Variants in SLC9A9 observed in about 807,000 individuals in gnomAD.
SLC9A9 encodes the protein solute carrier family 9 member A9.
SLC9A9 carries 62 observed loss-of-function variants against 77.8 expected under a neutral mutation model. That is an observed-to-expected ratio of 0.80 (90% CI 0.65 to 0.98). SLC9A9 has a LOEUF of 0.98. Ranked by LOEUF, SLC9A9 falls within the 50% of genes least tolerant of loss-of-function variation. SLC9A9 has a pLI of 0.00. For missense variants in SLC9A9, 775 were observed against 774.9 expected (o/e 1.00, Z 0.00); for synonymous variants, 320 against 283.5 (o/e 1.13, Z -1.29).
intron 14 of SLC9A9, among the ~76,000 whole-genome samples, chr3:143,278,269 G>A (rs1035672599): frequency 1.3e-5 from 2 of 152,164 alleles, no homozygotes; most frequent in African/African-American, 2.4e-5. Context: ...GGAGGAAGAC[G>A]GCAAACACAA....
intron 7 of SLC9A9, among the ~76,000 whole-genome samples, chr3:143,575,644 C>CT (rs1559975266): frequency 6.6e-6 from 1 of 152,120 alleles, no homozygotes; most frequent in Non-Finnish European, 1.5e-5. Flanking sequence ...AGAGGGAAGT[C>CT]TTTGTTTCTA....
At chr3:143,610,289 C>A (rs1009335429) in intron 6 of SLC9A9, among the ~76,000 whole-genome samples, 1 of 152,104 alleles carries the variant, frequency 6.6e-6, no homozygotes, top group African/African-American at 2.4e-5. Context: ...GCTGGGACTA[C>A]AAGCATGCCA....
At chr3:143,557,125 T>C (rs920442366) in intron 8 of SLC9A9, among the ~76,000 whole-genome samples, 1 of 152,138 alleles carries the variant, frequency 6.6e-6, no homozygotes, top group African/African-American at 2.4e-5. Context: ...CCCCATGCTG[T>C]TCTCATGATA....
At position 143,482,640 on chromosome 3, in the gene SLC9A9, G is replaced by T. The variant is rs1297091333; in HGVS notation, c.1315+11013C>A. Among the ~76,000 whole-genome samples the T allele has an allele frequency of 2.0e-5, 3 of 152,192 alleles. No individual in the cohort carries two copies. In the East Asian group the frequency reaches 5.8e-4, roughly 29 times the overall value. On this transcript the variant is annotated intron_variant, in intron 11 of 15. Coordinates refer to ENST00000316549, the MANE Select transcript of SLC9A9 (RefSeq NM_173653.4). ...AAGTCACAGTGGTTTCAGGAAGGCT[G>T]CCAGGGCTAAGTTGGGCTTGGCATT...
chr3:143,836,877 C>A (rs1054136934), intron 1 of SLC9A9, among the ~76,000 whole-genome samples: 4 of 152,048 alleles, frequency 2.6e-5, no homozygotes, highest in Admixed American at 2.6e-4. Flanking sequence ...CTTAACCTAC[C>A]AGCCCCTTCC....
chr3:143,347,944 T>G (rs575156288), intron 14 of SLC9A9, among the ~76,000 whole-genome samples: 1 of 152,226 alleles, frequency 6.6e-6, no homozygotes, highest in African/African-American at 2.4e-5. Context: ...TGAGGTAAGA[T>G]TGCTTCCTTG....
At chr3:143,343,245 G>A (rs2032161306) in intron 14 of SLC9A9, 1 of 152,066 alleles carries the variant, frequency 6.6e-6, no homozygotes, top group African/African-American at 2.4e-5. Flanking sequence ...CCTCTTTATT[G>A]TTAAGGAGAC....
intron 6 of SLC9A9, among the ~76,000 whole-genome samples, chr3:143,630,437 A>G (rs1192273332): frequency 6.6e-6 from 1 of 152,226 alleles, no homozygotes; most frequent in East Asian, 1.9e-4. Flanking sequence ...TGCTCTGAAC[A>G]TGCCAGTTTA....
chr3:143,750,159 G>A (rs1157708220), intron 4 of SLC9A9, among the ~76,000 whole-genome samples: 1 of 152,164 alleles, frequency 6.6e-6, no homozygotes, highest in African/African-American at 2.4e-5. Context: ...GCAGTTAAAA[G>A]TGGCCCTAAA....
At chr3:143,825,470 A>G (rs1177403281) in intron 2 of SLC9A9, among the ~76,000 whole-genome samples, 1 of 152,202 alleles carries the variant, frequency 6.6e-6, no homozygotes, top group Non-Finnish European at 1.5e-5. Flanking sequence ...TAATTATTTA[A>G]TTCTTCAAAA....
intron 13 of SLC9A9, among the ~76,000 whole-genome samples, chr3:143,371,733 A>G (rs1004884921): frequency 1.3e-5 from 2 of 152,192 alleles, no homozygotes; most frequent in Non-Finnish European, 2.9e-5. Context: ...CAGGCAAGGG[A>G]AGGAAATAAA....
At chr3:143,737,589 C>G (rs1576692300) in intron 4 of SLC9A9, among the ~76,000 whole-genome samples, 2 of 152,116 alleles carry the variant, frequency 1.3e-5, no homozygotes, top group Non-Finnish European at 2.9e-5. Context: ...GAATAAAGCT[C>G]TATGTACTTG....
At chr3:143,581,685 C>T (rs1312866617) in intron 6 of SLC9A9, among the ~76,000 whole-genome samples, 1 of 152,142 alleles carries the variant, frequency 6.6e-6, no homozygotes, top group Admixed American at 6.5e-5. Flanking sequence ...AACATAAACC[C>T]ACATCAGGAT....
At chr3:143,501,793 G>A (rs2035927957) in intron 9 of SLC9A9, among the ~76,000 whole-genome samples, 1 of 150,504 alleles carries the variant, frequency 6.6e-6, no homozygotes, top group Non-Finnish European at 1.5e-5. Context: ...TCCTTCTTGG[G>A]GCATTTAATG....
chr3:143,355,038 A>G lies in SLC9A9; in HGVS notation c.1604+8446T>C, dbSNP rs1425126706. ...AGAAAAATAACTGAGATGATGGACT[A>G]TAAGTTAGAAAAGTCATAAGTGAAA... On this transcript the variant is annotated intron_variant, in intron 14 of 15. Transcript: ENST00000316549. Among the ~76,000 whole-genome samples, 6 of 152,240 alleles carry G rather than the reference A, an allele frequency of 3.9e-5. No individual in the cohort carries two copies. In the East Asian group the frequency reaches 5.8e-4, roughly 15 times the overall value.
At chr3:143,358,198 G>T (rs1402577653) in intron 14 of SLC9A9, among the ~76,000 whole-genome samples, 1 of 152,032 alleles carries the variant, frequency 6.6e-6, no homozygotes, top group Non-Finnish European at 1.5e-5. Context: ...CACTTTCCTT[G>T]CCAGACTCTT....
At chr3:143,422,048 C>A (rs57014448) in intron 12 of SLC9A9, among the ~76,000 whole-genome samples, 15,590 of 152,174 alleles carry the variant, frequency 0.1, 1,387 homozygotes, top group African/African-American at 0.25. Context: ...TTATCTCATG[C>A]CAGTCAGAAT....
chr3:143,560,834 T>C (rs2037072077), intron 8 of SLC9A9, among the ~76,000 whole-genome samples: 1 of 152,198 alleles, frequency 6.6e-6, no homozygotes, highest in African/African-American at 2.4e-5. Context: ...CAAAAAAGCA[T>C]AGGCTAAATA....
intron 5 of SLC9A9, among the ~76,000 whole-genome samples, chr3:143,660,710 C>T (rs1389137350): frequency 1.3e-5 from 2 of 152,198 alleles, no homozygotes; most frequent in East Asian, 3.8e-4. Context: ...GCAGACCAAG[C>T]TCCCATACAT....
Sources: allele counts gnomAD v4.1 joint callset (sites outside exome capture counted in the v4.1 genomes callset), GRCh38; gene constraint gnomAD v4.1.1; transcripts MANE v1.5; gene names NCBI Gene and HGNC (gene_info 2026-07-23, HGNC 2026-07-21).